DYNC2H1: variants seen among roughly 807,000 people sequenced by gnomAD.
DYNC2H1 encodes cytoplasmic dynein 2 heavy chain 1.
DYNC2H1 carries 410 observed loss-of-function variants against 570.0 expected under a neutral mutation model. The observed-to-expected ratio is 0.72, with a 90% CI of 0.66 to 0.78. The LOEUF is 0.78. DYNC2H1 is among the 30% of genes least tolerant of loss of function. The pLI is 0.00. For missense variants in DYNC2H1, 4,865 were observed against 5,046.4 expected, an observed-to-expected ratio of 0.96 and a Z score of 1.09; for synonymous variants, 1,688 against 1,677.6, an observed-to-expected ratio of 1.01 and a Z score of -0.15.
intron 85 of DYNC2H1, among the ~76,000 whole-genome samples, chr11:103,442,969 C>CTTT (rs5794237): frequency 0.053 from 7,593 of 143,010 alleles, 230 homozygotes; most frequent in African/African-American, 0.074. Context: ...TTTATGAGCC[C>CTTT]TTTTTTTTTT....
At chr11:103,384,506 C>CT (rs907208340) in intron 83 of DYNC2H1, among the ~76,000 whole-genome samples, 11 of 151,780 alleles carry the variant, frequency 7.2e-5, no homozygotes, top group African/African-American at 2.7e-4. Context: ...ATTTTTTATA[C>CT]TTTTTTTTAC....
intron 82 of DYNC2H1, among the ~76,000 whole-genome samples, chr11:103,332,316 A>G (rs1296046883): frequency 8.9e-5 from 10 of 112,634 alleles, no homozygotes; most frequent in African/African-American, 2.5e-4. Context: ...AACTGGGAAA[A>G]AAAAAAAAAA....
chr11:103,358,400 C>T (rs1940462878), intron 83 of DYNC2H1, 41 bp downstream of exon 83: 3 of 1,351,576 alleles, frequency 2.2e-6, no homozygotes, highest in African/African-American at 2.9e-5. Flanking sequence ...TGCTTTTTCT[C>T]CCGCATCGTA....
intron 36 of DYNC2H1, 67 bp from the exon 37 acceptor site, chr11:103,176,168 A>G: frequency 1.6e-6 from 2 of 1,246,832 alleles, no homozygotes; most frequent in Non-Finnish European, 2.2e-6. Flanking sequence ...AAGGCTATAG[A>G]ATATTTAAAA....
At chr11:103,373,107 C>T (rs967626568) in intron 83 of DYNC2H1, among the ~76,000 whole-genome samples, 5 of 152,052 alleles carry the variant, frequency 3.3e-5, no homozygotes, top group African/African-American at 1.2e-4. Context: ...CCATATTAGG[C>T]TAATTTTTGT....
intron 84 of DYNC2H1, among the ~76,000 whole-genome samples, chr11:103,419,645 A>C (rs1943411443): frequency 6.6e-6 from 1 of 152,178 alleles, no homozygotes; most frequent in East Asian, 1.9e-4. Flanking sequence ...GCAACCTCAA[A>C]GATCAAAGAT....
intron 83 of DYNC2H1, among the ~76,000 whole-genome samples, chr11:103,370,955 T>C (rs1184105922): frequency 6.6e-6 from 1 of 151,924 alleles, no homozygotes; most frequent in Non-Finnish European, 1.5e-5. Flanking sequence ...AAACATGACC[T>C]CACAAAATTA....
intron 55 of DYNC2H1, among the ~76,000 whole-genome samples, chr11:103,216,763 C>G (rs1863400802): frequency 6.7e-6 from 1 of 149,988 alleles, no homozygotes; most frequent in South Asian, 2.1e-4. Context: ...CACTGCTCTC[C>G]AGCCTGAGTG....
At position 103,264,246 on chromosome 11, in the gene DYNC2H1, A is replaced by G. The variant is rs750488728; in HGVS notation, c.10695+4269A>G. On this transcript the variant is annotated intron_variant, in intron 70 of 88. Transcript: ENST00000375735. The surrounding 1 kb of genome is among the most constrained non-coding windows in gnomAD (Gnocchi z 4.8). ...CCAACCAAAAAAAGCCCAGGGTCAG[A>G]TGGATTCACAGCCAAATTCTACCAG... 6.6e-6 allele frequency among the ~76,000 whole-genome samples: 1 copy of G among 152,202 alleles called. No individual in the cohort carries two copies. Among genetic ancestry groups the G allele is most frequent in the African/African-American group, 2.4e-5 (1 of 41,442 alleles).
At chr11:103,463,620 G>A (rs888202665) in intron 87 of DYNC2H1, among the ~76,000 whole-genome samples, 4 of 152,096 alleles carry the variant, frequency 2.6e-5, no homozygotes, top group African/African-American at 7.2e-5. Context: ...GCCTGGTGGT[G>A]CATGCCTGTC....
intron 15 of DYNC2H1, 45 bp downstream of exon 15, chr11:103,134,464 T>G: frequency 6.7e-7 from 1 of 1,482,500 alleles, no homozygotes. Flanking sequence ...AATATGACCT[T>G]TTCAGAATGT....
At chr11:103,191,430 C>T in intron 45 of DYNC2H1, 87 bp from the exon 46 acceptor site, 1 of 910,270 alleles carries the variant, frequency 1.1e-6, no homozygotes, top group South Asian at 1.7e-5. Context: ...AATTGGTATT[C>T]CTCTGAGTCT....
At chr11:103,187,630 T>A (rs374845494) in intron 43 of DYNC2H1, 44 bp downstream of exon 43, 21 of 1,584,446 alleles carry the variant, frequency 1.3e-5, no homozygotes, top group Admixed American at 7.5e-5. Flanking sequence ...TTGGAAACAA[T>A]TTAATTTCAT....
In DYNC2H1 at chr11:103,305,576, A is replaced by T. The variant is rs7946398; in HGVS notation, c.11382+856A>T. On this transcript the variant is annotated intron_variant, in intron 77 of 88. Coordinates refer to ENST00000375735, the MANE Select transcript of DYNC2H1 (RefSeq NM_001377.3). This position sits in a 1 kb window ranked among gnomAD's most constrained non-coding sequence, Gnocchi z 4.3. Reference sequence around the variant, plus strand: ...CAGAGAAGTTAGTAATTAATTAATTAATTAATTTTTTCTGGCAGTGGTATA... The same window carrying T: ...CAGAGAAGTTAGTAATTAATTAATTTATTAATTTTTTCTGGCAGTGGTATA... Among the ~76,000 whole-genome samples, 1,216 of 152,274 alleles carry T rather than the reference A, an allele frequency of 8.0e-3. 18 individuals are homozygous for T. Among genetic ancestry groups the T allele is most frequent in the African/African-American group, 0.028 (1,155 of 41,558 alleles).
At chr11:103,365,364 G>GA (rs562729975) in intron 83 of DYNC2H1, among the ~76,000 whole-genome samples, 85,269 of 146,864 alleles carry the variant, frequency 0.58, 25,158 homozygotes, top group Admixed American at 0.67. Context: ...TCCGGCTCAG[G>GA]AAAAAAAAAA....
At chr11:103,450,721 C>T (rs1482226693) in intron 85 of DYNC2H1, among the ~76,000 whole-genome samples, 1 of 152,120 alleles carries the variant, frequency 6.6e-6, no homozygotes. Context: ...GCATTAAACA[C>T]TTTTGCCAAG....
intron 83 of DYNC2H1, among the ~76,000 whole-genome samples, chr11:103,390,857 A>T (rs1376850306): frequency 6.6e-6 from 1 of 152,182 alleles, no homozygotes; most frequent in Non-Finnish European, 1.5e-5. Context: ...AGTTTCTGCC[A>T]AGAGATCAGC....
In DYNC2H1 at chr11:103,312,042, GA is replaced by G. The variant is rs1244522654; in HGVS notation, c.11649+11del. On this transcript the variant is annotated intron_variant, in intron 79 of 88. Coordinates refer to ENST00000375735, the MANE Select transcript of DYNC2H1 (RefSeq NM_001377.3). ...GAAACTATATTCCTCAGGTAAGTAAGAACATGTCTTGAATACATTCTAAGCT... is the reference window on the plus strand; with the variant it reads ...GAAACTATATTCCTCAGGTAAGTAAGACATGTCTTGAATACATTCTAAGCT... 6.2e-7 allele frequency: 1 copy of G among 1,602,406 alleles called. No individual in the cohort carries two copies. The highest frequency in any genetic ancestry group is 8.5e-7 in the Non-Finnish European group (1 of 1,176,840).
rs549066210 is a variant in DYNC2H1, at chr11:103,363,049, AATAAT to A, written c.12156+4705_12156+4709del. 1.5e-4 allele frequency among the ~76,000 whole-genome samples: 23 copies of A among 151,760 alleles called. 1 individual carries two copies. The highest frequency in any genetic ancestry group is 7.2e-4 in the Admixed American group (11 of 15,226). ...CTGTCTCAAAATAAATAAATAAATA[AATAAT>A]ATAATATAATATAACAGGCATTTCA... On this transcript the variant is annotated intron_variant, in intron 83 of 88. Transcript: ENST00000375735. The surrounding 1 kb of genome is among the most constrained non-coding windows in gnomAD (Gnocchi z 5.6).
Sources: allele counts gnomAD v4.1 joint callset (sites outside exome capture counted in the v4.1 genomes callset), GRCh38; gene constraint gnomAD v4.1.1; non-coding constraint Gnocchi (gnomAD v3.1); transcripts MANE v1.5; gene names NCBI Gene and HGNC (gene_info 2026-07-23, HGNC 2026-07-21).